IRS1: variants seen among roughly 807,000 people sequenced by gnomAD.
IRS1 encodes the protein insulin receptor substrate 1.
In IRS1, 34 loss-of-function variants were observed where a neutral mutation model predicts 65.6. That is an observed-to-expected ratio of 0.52 (90% CI 0.39 to 0.69). The LOEUF (loss-of-function observed/expected upper bound fraction) is 0.69, where lower values mean the gene tolerates loss of function less well. Among genes scored for constraint, IRS1 ranks in the 30% least tolerant of loss-of-function variants. The pLI is 0.00. For missense variants in IRS1, 1,641 were observed against 1,720.2 expected, an observed-to-expected ratio of 0.95 and a Z score of 0.81; for synonymous variants, 699 against 683.5, an observed-to-expected ratio of 1.02 and a Z score of -0.35.
chr2:226,780,779 T>C (rs547412718), intron 1 of IRS1, among the ~76,000 whole-genome samples: 4 of 152,368 alleles, frequency 2.6e-5, no homozygotes, highest in East Asian at 3.8e-4. Context: ...GACTTTTTAA[T>C]ATATCTGATA....
intron 1 of IRS1, among the ~76,000 whole-genome samples, chr2:226,793,629 T>C (rs1939652260): frequency 2.0e-5 from 3 of 152,192 alleles, no homozygotes; most frequent in Admixed American, 2.0e-4. Flanking sequence ...AATAAATACC[T>C]GTCAATAGGA....
chr2:226,754,382 A>G (rs1206008171), intron 1 of IRS1, among the ~76,000 whole-genome samples: 1 of 152,212 alleles, frequency 6.6e-6, no homozygotes, highest in African/African-American at 2.4e-5. Flanking sequence ...TAGAATCTCC[A>G]AAAACAATAT....
chr2:226,751,950 A>T (rs577982872), intron 1 of IRS1, among the ~76,000 whole-genome samples: 69 of 152,320 alleles, frequency 4.5e-4, no homozygotes, highest in Middle Eastern at 3.4e-3. Context: ...ATAAAAAGCC[A>T]CAAAACTGCC....
Position 226,799,418 on chromosome 2 carries a change from A to G in IRS1, c.-680T>C. 2 of 1,242,518 alleles carry G rather than the reference A, an allele frequency of 1.6e-6. No individual in the cohort carries two copies. The highest frequency in any genetic ancestry group is 2.1e-6 in the Non-Finnish European group (2 of 962,106). 77.0% of individuals were successfully genotyped at this position (1,242,518 alleles called of 1,614,324 possible). On this transcript the variant is annotated 5_prime_UTR_variant, in exon 1 of 2. Coordinates refer to ENST00000305123, the MANE Select transcript of IRS1 (RefSeq NM_005544.3). The surrounding 1 kb of genome is among the most constrained non-coding windows in gnomAD (Gnocchi z 6.1). ...CGCCGCCCGCGGGCGCGTCCTCTGC[A>G]GCCCCCATCCGGGCCCATCTCGGCG...
Position 226,797,084 on chromosome 2 carries a change from G to C in IRS1, c.1655C>G (p.Thr552Arg). 1 of 1,613,548 alleles carries C rather than the reference G, an allele frequency of 6.2e-7. No homozygotes were observed. The change falls in exon 1 of 2, where the codon ACA (threonine) becomes AGA (arginine). Residue 552 changes from threonine to arginine, a missense_variant. Physicochemically the swap from Thr to Arg is moderately conservative, Grantham distance 71 (BLOSUM62 -1). Coordinates refer to ENST00000305123, the MANE Select transcript of IRS1 (RefSeq NM_005544.3). The surrounding 1 kb of genome is among the most constrained non-coding windows in gnomAD (Gnocchi z 8.1). ...QSSVASIEEY[T>R]EMMPAYPPGG... ...TGGTGGGTAGGCAGGCATCATCTCTGTGTACTCCTCAATGGAAGCCACTGA... is the reference window on the plus strand; with the variant it reads ...TGGTGGGTAGGCAGGCATCATCTCTCTGTACTCCTCAATGGAAGCCACTGA...
At position 226,799,618 on chromosome 2, in the gene IRS1, G is replaced by T; in HGVS notation, c.-880C>A. The T allele has an allele frequency of 4.0e-6, 4 of 1,003,540 alleles. No individual in the cohort carries two copies. The highest frequency in any genetic ancestry group is 3.6e-6 in the Non-Finnish European group (3 of 832,276). 62.2% of individuals were successfully genotyped at this position (1,003,540 alleles called of 1,614,324 possible). A position where few individuals can be genotyped will look rare whatever the true frequency, so the allele number is the denominator to read the frequency against. On this transcript the variant is annotated 5_prime_UTR_variant, in exon 1 of 2. Transcript: ENST00000305123. The surrounding 1 kb of genome is among the most constrained non-coding windows in gnomAD (Gnocchi z 6.1). ...TGGGAAGGGTTCGGGGAAGACGCCT[G>T]TTCCTCGGGAGGCGCTGCCGCTGCA...
intron 1 of IRS1, among the ~76,000 whole-genome samples, chr2:226,770,229 T>C (rs1011830799): frequency 1.3e-5 from 2 of 152,232 alleles, no homozygotes; most frequent in African/African-American, 4.8e-5. Context: ...AAATTATGAT[T>C]TTCCCCTCAA....
At chr2:226,760,468 G>C (rs981139843) in intron 1 of IRS1, among the ~76,000 whole-genome samples, 3 of 152,116 alleles carry the variant, frequency 2.0e-5, no homozygotes, top group African/African-American at 7.2e-5. Context: ...ATAGTGTCCA[G>C]TCCACACTTC....
chr2:226,780,159 G>A lies in IRS1; in HGVS notation c.*21+14830C>T, dbSNP rs377643998. Among the ~76,000 whole-genome samples the A allele has an allele frequency of 8.5e-5, 13 of 152,264 alleles. No individual in the cohort carries two copies. The East Asian group carries it at 9.7e-4, about 11-fold the overall frequency. ...TGTAATCCCAGCACTTTGGGAGGCC[G>A]AGGCGGGCGAAACACGAGATCAGGA... On this transcript the variant is annotated intron_variant, in intron 1 of 1. Transcript: ENST00000305123.
At chr2:226,778,890 T>C (rs1186295240) in intron 1 of IRS1, among the ~76,000 whole-genome samples, 2 of 152,240 alleles carry the variant, frequency 1.3e-5, no homozygotes, top group Non-Finnish European at 2.9e-5. Flanking sequence ...CTTCCTTCTC[T>C]TTTATAATTT....
At chr2:226,755,159 A>C (rs1175590825) in intron 1 of IRS1, among the ~76,000 whole-genome samples, 1 of 152,254 alleles carries the variant, frequency 6.6e-6, no homozygotes, top group Admixed American at 6.5e-5. Flanking sequence ...AAGCCAAAAT[A>C]AAAACCAGAA....
chr2:226,790,463 T>C (rs1939568804), intron 1 of IRS1, among the ~76,000 whole-genome samples: 1 of 152,224 alleles, frequency 6.6e-6, no homozygotes, highest in African/African-American at 2.4e-5. Flanking sequence ...TATGGATTTA[T>C]TTTTACTATA....
chr2:226,798,210 TTGTC>T lies in IRS1; in HGVS notation c.525_528del (p.Thr176ArgfsTer3). ...AGGCGGTAGATACCAATCAGGTTCT[TTGTC>T]TGACCCAGGCCCTTGGGCTTCAGGA... On this transcript the variant is annotated frameshift_variant, in exon 1 of 2. Coordinates refer to ENST00000305123, the MANE Select transcript of IRS1 (RefSeq NM_005544.3). LOFTEE classifies it high-confidence loss of function. This position sits in a 1 kb window ranked among gnomAD's most constrained non-coding sequence, Gnocchi z 9.4. 3 of 1,613,910 alleles carry T rather than the reference TTGTC, an allele frequency of 1.9e-6. No homozygotes were observed. The highest frequency in any genetic ancestry group is 1.3e-5 in the African/African-American group (1 of 75,046).
In IRS1 at chr2:226,796,932, T is replaced by C; in HGVS notation, c.1807A>G (p.Ser603Gly). Residue 603 changes from serine to glycine, a missense_variant, in exon 1 of 2, where the codon AGC becomes GGC. Physicochemically the swap from Ser to Gly is moderately conservative, Grantham distance 56. Coordinates refer to ENST00000305123, the MANE Select transcript of IRS1 (RefSeq NM_005544.3). ...CCATCATCCGTGTGGAGGGTGGAGCTGTCTGGGCGGTGGTGCCCCCCCCGA... is the reference window on the plus strand; with the variant it reads ...CCATCATCCGTGTGGAGGGTGGAGCCGTCTGGGCGGTGGTGCCCCCCCCGA... ...ERRGGHHRPD[S>G]STLHTDDGYM... 1.3e-6 allele frequency: 2 copies of C among 1,552,146 alleles called. No homozygotes were observed. Among genetic ancestry groups the C allele is most frequent in the Non-Finnish European group, 1.7e-6 (2 of 1,146,956 alleles).
At chr2:226,751,721 G>A (rs1173579958) in intron 1 of IRS1, among the ~76,000 whole-genome samples, 1 of 151,894 alleles carries the variant, frequency 6.6e-6, no homozygotes, top group Non-Finnish European at 1.5e-5. Flanking sequence ...AAATGAATGC[G>A]GGTGACTCTG....
At chr2:226,783,181 A>G (rs989376437) in intron 1 of IRS1, among the ~76,000 whole-genome samples, 2 of 152,220 alleles carry the variant, frequency 1.3e-5, no homozygotes, top group Non-Finnish European at 2.9e-5. Context: ...CCTTCACTCA[A>G]CTAATAAGAG....
chr2:226,794,794 G>A lies in IRS1; in HGVS notation c.*21+195C>T, dbSNP rs1939675113. ...TCTCAAACGAAAAAGCCCTCCTGTG[G>A]CTGCTCCTACATGTTTGTTTGACTC... On this transcript the variant is annotated intron_variant, in intron 1 of 1. Transcript: ENST00000305123. The surrounding 1 kb of genome is among the most constrained non-coding windows in gnomAD (Gnocchi z 4.1). Among the ~76,000 whole-genome samples, 1 of 152,154 alleles carries A rather than the reference G, an allele frequency of 6.6e-6. No individual in the cohort carries two copies. The highest frequency in any genetic ancestry group is 2.1e-4 in the South Asian group (1 of 4,834).
At chr2:226,742,713 G>GGAAAAAAAA (rs889878007) in intron 1 of IRS1, among the ~76,000 whole-genome samples, 1 of 124,598 alleles carries the variant, frequency 8.0e-6, no homozygotes, top group African/African-American at 2.8e-5. Flanking sequence ...CACGCATTAT[G>GGAAAAAAAA]AAAAAAAAAA....
chr2:226,759,908 C>T (rs1216502383), intron 1 of IRS1, among the ~76,000 whole-genome samples: 4 of 152,218 alleles, frequency 2.6e-5, no homozygotes, highest in Non-Finnish European at 5.9e-5. Flanking sequence ...GGTGCTGTGG[C>T]TCACACCTGT....
Sources: allele counts gnomAD v4.1 joint callset (sites outside exome capture counted in the v4.1 genomes callset), GRCh38; gene constraint gnomAD v4.1.1; non-coding constraint Gnocchi (gnomAD v3.1); transcripts MANE v1.5; gene names NCBI Gene and HGNC (gene_info 2026-07-23, HGNC 2026-07-21).